The following ROS1 variants were observed in gnomAD, a reference collection of about 807,000 sequenced individuals.
ROS1 encodes proto-oncogene tyrosine-protein kinase ROS.
Under a neutral mutation model 273.5 loss-of-function variants are expected in ROS1, and 263 were observed. That is an observed-to-expected ratio of 0.96 (90% confidence interval 0.87 to 1.06). The LOEUF (loss-of-function observed/expected upper bound fraction) is 1.06, where lower values mean the gene tolerates loss of function less well. Among genes scored for constraint, ROS1 ranks in the 50% least tolerant of loss-of-function variants. The pLI is 0.00. For synonymous variants in ROS1, 1,008 were observed against 954.1 expected (o/e 1.06, Z -1.04); for missense variants, 2,833 against 2,751.1 (o/e 1.03, Z -0.67).
chr6:117,356,932 A>T lies in ROS1; in HGVS notation c.3840-17T>A, dbSNP rs1298949307. 2 of 1,591,652 alleles carry T rather than the reference A, an allele frequency of 1.3e-6. No individual in the cohort carries two copies. The highest frequency in any genetic ancestry group is 4.5e-5 in the East Asian group (2 of 44,672). ...TACAAGCGACTATAGAGGAAAAAAAAGTCCCCCCAACTTAATGAGTAAAAT... is the reference window on the plus strand; with the variant it reads ...TACAAGCGACTATAGAGGAAAAAAATGTCCCCCCAACTTAATGAGTAAAAT... On this transcript the variant is annotated splice_polypyrimidine_tract_variant and intron_variant, in intron 25 of 43. Transcript: ENST00000368507.
intron 12 of ROS1, among the ~76,000 whole-genome samples, chr6:117,391,988 A>G (rs117285087): frequency 0.012 from 1,769 of 152,262 alleles, 22 homozygotes; most frequent in Non-Finnish European, 0.015. Flanking sequence ...GCACAAATCC[A>G]TTTTATCCTA....
At chr6:117,420,962 G>A (rs1043557310) in intron 1 of ROS1, among the ~76,000 whole-genome samples, 1 of 151,490 alleles carries the variant, frequency 6.6e-6, no homozygotes, top group African/African-American at 2.4e-5. Context: ...ATTTAATAAC[G>A]CATTCTTTTC....
At chr6:117,423,997 G>A (rs977878065) in intron 1 of ROS1, among the ~76,000 whole-genome samples, 4 of 152,002 alleles carry the variant, frequency 2.6e-5, no homozygotes, top group African/African-American at 4.8e-5. Flanking sequence ...GGTGGTGAAC[G>A]GAAGGCAACT....
intron 42 of ROS1, among the ~76,000 whole-genome samples, chr6:117,307,361 A>G (rs960877207): frequency 2.0e-5 from 3 of 152,178 alleles, no homozygotes; most frequent in African/African-American, 7.2e-5. Context: ...TAACAGCACA[A>G]GGAAAATTTT....
chr6:117,290,335 T>C (rs1773749075), intron 43 of ROS1, among the ~76,000 whole-genome samples: 1 of 152,236 alleles, frequency 6.6e-6, no homozygotes, highest in Non-Finnish European at 1.5e-5. Context: ...ATTTAGTAAC[T>C]TGACCCTGGC....
chr6:117,300,024 GCCATTC>G (rs1774570128), intron 43 of ROS1, among the ~76,000 whole-genome samples: 1 of 137,090 alleles, frequency 7.3e-6, no homozygotes, highest in East Asian at 2.2e-4. Context: ...CCGGGTTCAT[GCCATTC>G]TCCTGCCTCA....
intron 43 of ROS1, among the ~76,000 whole-genome samples, chr6:117,290,308 A>G (rs981421050): frequency 6.6e-6 from 1 of 152,366 alleles, no homozygotes; most frequent in African/African-American, 2.4e-5. Context: ...TTATTGGTTT[A>G]TAGTACTTGT....
chr6:117,316,071 A>G (rs1188784180), intron 39 of ROS1, among the ~76,000 whole-genome samples: 2 of 152,300 alleles, frequency 1.3e-5, no homozygotes, highest in East Asian at 3.9e-4. Context: ...CAAACCTGGA[A>G]GGATGGTTTA....
intron 7 of ROS1, among the ~76,000 whole-genome samples, chr6:117,397,485 AGTCAATG>A (rs1254684582): frequency 6.6e-6 from 1 of 152,196 alleles, no homozygotes; most frequent in Non-Finnish European, 1.5e-5. Flanking sequence ...CTAAAACTGG[AGTCAATG>A]ATCGACGAGT....
chr6:117,424,343 C>T (rs1775983948), intron 1 of ROS1, among the ~76,000 whole-genome samples: 1 of 151,432 alleles, frequency 6.6e-6, no homozygotes, highest in African/African-American at 2.4e-5. Flanking sequence ...AGGAAAAATA[C>T]TAAAAGAAAA....
chr6:117,330,699 G>A lies in ROS1; in HGVS notation c.5231-1253C>T, dbSNP rs992916215. Among the ~76,000 whole-genome samples the A allele has an allele frequency of 2.6e-5, 4 of 152,098 alleles. No individual in the cohort carries two copies. The East Asian group carries it at 7.7e-4, about 29-fold the overall frequency. On this transcript the variant is annotated intron_variant, in intron 32 of 43. Coordinates refer to ENST00000368507, the MANE Select transcript of ROS1 (RefSeq NM_001378902.1). ...GCAAATCAGATGAATAAGGCCTAAA[G>A]TGAACCCCAGCAAACTGCAGCAGCC...
intron 27 of ROS1, among the ~76,000 whole-genome samples, chr6:117,345,583 T>C (rs373302103): frequency 8.5e-5 from 13 of 152,318 alleles, no homozygotes; most frequent in Middle Eastern, 3.4e-3. Flanking sequence ...TGAATTCATA[T>C]TAGCCACATA....
intron 24 of ROS1, 86 bp downstream of exon 24, chr6:117,359,723 C>T: frequency 3.8e-6 from 4 of 1,062,780 alleles, no homozygotes; most frequent in African/African-American, 1.6e-5. Context: ...ATGACTAAAC[C>T]GTTTTCCAGT....
intron 6 of ROS1, among the ~76,000 whole-genome samples, chr6:117,403,737 G>A (rs879073642): frequency 3.3e-5 from 5 of 152,036 alleles, no homozygotes; most frequent in African/African-American, 4.8e-5. Context: ...ACGTGATGCT[G>A]TACTGAAGGA....
chr6:117,300,106 T>A (rs1461694998), intron 43 of ROS1, among the ~76,000 whole-genome samples: 1,506 of 141,394 alleles, frequency 0.011, 42 homozygotes, highest in African/African-American at 0.038. Context: ...TTTTTTTTTT[T>A]TTTTTTTGTA....
At position 117,366,177 on chromosome 6, in the gene ROS1, A is replaced by C. The variant is rs1030521764; in HGVS notation, c.2696T>G (p.Ile899Ser). Residue 899 changes from isoleucine to serine, a missense_variant, in exon 19 of 44, where the codon ATC becomes AGC. Coordinates refer to ENST00000368507, the MANE Select transcript of ROS1 (RefSeq NM_001378902.1). Reference sequence around the variant, plus strand: ...TTTCTGACCTATTTCTTGAGTTGTGATAATCCTAAAGCCATTGATCCAGAA... The same window carrying C: ...TTTCTGACCTATTTCTTGAGTTGTGCTAATCCTAAAGCCATTGATCCAGAA... ...RLFWINGFRI[I>S]TTQEIGQKTS... 1.2e-6 allele frequency: 2 copies of C among 1,613,962 alleles called. No individual in the cohort carries two copies. The highest frequency in any genetic ancestry group is 2.7e-5 in the African/African-American group (2 of 74,910).
At chr6:117,317,036 G>T in intron 39 of ROS1, 107 bp downstream of exon 39, 1 of 1,129,170 alleles carries the variant, frequency 8.9e-7, no homozygotes, top group Non-Finnish European at 1.2e-6. Flanking sequence ...TTCCATGTAA[G>T]TCTTCTAAGG....
At chr6:117,318,721 T>G (rs1313490092) in intron 37 of ROS1, among the ~76,000 whole-genome samples, 1 of 152,106 alleles carries the variant, frequency 6.6e-6, no homozygotes, top group Non-Finnish European at 1.5e-5. Flanking sequence ...CAATGGCATA[T>G]AAGAGAAAAA....
chr6:117,297,758 C>A (rs940789810), intron 43 of ROS1, among the ~76,000 whole-genome samples: 1 of 152,090 alleles, frequency 6.6e-6, no homozygotes, highest in Non-Finnish European at 1.5e-5. Context: ...GGAACAGTTA[C>A]ATGCTGTTGG....
Sources: gnomAD v4.1 joint callset for allele counts (sites outside exome capture counted in the v4.1 genomes callset) on GRCh38, gnomAD v4.1.1 for gene constraint, MANE v1.5 for transcripts, NCBI Gene and HGNC (gene_info 2026-07-23, HGNC 2026-07-21) for gene names.